Variants in RNF121 observed in about 807,000 individuals in gnomAD.
RNF121 encodes the protein ring finger protein 121, also known as E3 ubiquitin ligase RNF121.
RNF121 carries 21 observed loss-of-function variants against 46.5 expected under a neutral mutation model. The observed-to-expected ratio is 0.45, with a 90% CI of 0.32 to 0.65. The LOEUF is 0.65. Among genes scored for constraint, RNF121 ranks in the 30% least tolerant of loss-of-function variants. The probability of loss-of-function intolerance (pLI) is 0.04; values close to 1 mark genes in which losing one functional copy is unlikely to be tolerated. For synonymous variants in RNF121, 139 were observed against 144.7 expected (o/e 0.96, Z 0.28); for missense variants, 346 against 416.0 (o/e 0.83, Z 1.46).
At chr11:71,960,652 G>T in intron 2 of RNF121, 98 bp from the exon 3 acceptor site, 1 of 1,416,526 alleles carries the variant, frequency 7.1e-7, no homozygotes, top group East Asian at 2.3e-5. Context: ...CAGGGAATGT[G>T]TTCTGAGCTA....
intron 3 of RNF121, among the ~76,000 whole-genome samples, chr11:71,980,124 C>T (rs926565331): frequency 1.3e-5 from 2 of 152,108 alleles, no homozygotes; most frequent in Admixed American, 1.3e-4. Flanking sequence ...CTGGTGCTTC[C>T]ACACTTTTTA....
intron 3 of RNF121, among the ~76,000 whole-genome samples, chr11:71,974,905 G>A (rs963576812): frequency 3.3e-5 from 5 of 152,180 alleles, no homozygotes; most frequent in Non-Finnish European, 5.9e-5. Flanking sequence ...TGGCTTCTGC[G>A]TAGCTCAGTT....
intron 1 of RNF121, among the ~76,000 whole-genome samples, chr11:71,948,377 G>T (rs947573344): frequency 2.0e-5 from 3 of 151,736 alleles, no homozygotes; most frequent in African/African-American, 7.3e-5. Flanking sequence ...TTAGCCGGGC[G>T]TGGTGGCTGC....
At chr11:71,948,589 G>A (rs983966850) in intron 1 of RNF121, among the ~76,000 whole-genome samples, 1 of 151,702 alleles carries the variant, frequency 6.6e-6, no homozygotes. Context: ...TGAGGGGTGG[G>A]GGTAAAGGGC....
At chr11:71,929,899 G>A (rs913136296) in intron 1 of RNF121, among the ~76,000 whole-genome samples, 1 of 152,192 alleles carries the variant, frequency 6.6e-6, no homozygotes, top group Non-Finnish European at 1.5e-5. Flanking sequence ...GCTTGGGATA[G>A]GGAAGGCTTC....
intron 1 of RNF121, 33 bp downstream of exon 1, chr11:71,929,157 A>G (rs1030865320): frequency 1.9e-6 from 3 of 1,544,440 alleles, no homozygotes; most frequent in Middle Eastern, 1.7e-4. Context: ...GAGAGACTCA[A>G]CCTGAGACTG....
intron 6 of RNF121, among the ~76,000 whole-genome samples, chr11:71,993,873 G>C (rs141575677): frequency 0.025 from 3,691 of 148,120 alleles, 149 homozygotes; most frequent in African/African-American, 0.087. Context: ...TGGAGTCTCG[G>C]TCTGTTGCCC....
In RNF121 at chr11:71,967,380, C is replaced by T. The variant is rs571464473; in HGVS notation, c.243+6489C>T. Among the ~76,000 whole-genome samples, 6 of 105,184 alleles carry T rather than the reference C, an allele frequency of 5.7e-5. 1 individual carries two copies. The South Asian group carries it at 2.0e-3, about 36-fold the overall frequency. 69.0% of individuals were successfully genotyped at this position (105,184 alleles called of 152,430 possible). ...TTTTTTTTTTTTTGAGACGGAGTCT[C>T]ACTCTGTCACCCAGGCTGGAGTGCA... is the stretch of plus-strand genomic sequence containing the variant. On this transcript the variant is annotated intron_variant, in intron 3 of 8. Coordinates refer to ENST00000361756, the MANE Select transcript of RNF121 (RefSeq NM_018320.5).
At chr11:71,942,795 T>TAG (rs1953613411) in intron 1 of RNF121, among the ~76,000 whole-genome samples, 3 of 60,444 alleles carry the variant, frequency 5.0e-5, no homozygotes, top group South Asian at 7.8e-4. Flanking sequence ...TATATAGATA[T>TAG]ATATATGTAC....
chr11:71,983,743 C>T (rs1231612434), intron 4 of RNF121: 3 of 152,222 alleles, frequency 2.0e-5, no homozygotes, highest in African/African-American at 7.2e-5. Context: ...AGGAGATGGA[C>T]AAGAAAGCTC....
intron 6 of RNF121, among the ~76,000 whole-genome samples, chr11:71,991,895 A>G (rs887867079): frequency 1.3e-5 from 2 of 151,894 alleles, no homozygotes; most frequent in Non-Finnish European, 2.9e-5. Flanking sequence ...GCTTGAGCCC[A>G]GGAGTTCAAG....
chr11:71,978,304 GGAAC>G (rs1452433297), intron 3 of RNF121: 2 of 279,950 alleles, frequency 7.1e-6, no homozygotes, highest in Non-Finnish European at 1.5e-5. Context: ...CCCCTCCCCA[GGAAC>G]TGGGTCCTTC....
At chr11:71,983,098 T>A (rs1954697799) in intron 4 of RNF121, 183 bp downstream of exon 4, 6 of 443,516 alleles carry the variant, frequency 1.4e-5, no homozygotes, top group Non-Finnish European at 2.3e-5. Context: ...ATTAAAAACC[T>A]CAAATATTTC....
intron 1 of RNF121, among the ~76,000 whole-genome samples, chr11:71,951,441 G>A (rs1432033266): frequency 1.3e-5 from 2 of 152,104 alleles, no homozygotes; most frequent in Non-Finnish European, 2.9e-5. Flanking sequence ...AGCCCCTGCA[G>A]AGGGTAGTCC....
At chr11:71,979,839 G>A (rs777402890) in intron 3 of RNF121, among the ~76,000 whole-genome samples, 28 of 152,160 alleles carry the variant, frequency 1.8e-4, no homozygotes, top group Non-Finnish European at 4.1e-4. Context: ...TTCTCAGAGA[G>A]AACAAATGTG....
intron 1 of RNF121, among the ~76,000 whole-genome samples, chr11:71,956,108 TA>T (rs1953985345): frequency 1.3e-5 from 2 of 152,224 alleles, no homozygotes; most frequent in African/African-American, 4.8e-5. Context: ...CTACCTGTGT[TA>T]CTATTTCAAA....
rs575189072 is a variant in RNF121 at position 71,995,225 on chromosome 11, A to G, written c.762-225A>G. The G allele has an allele frequency of 1.0e-4, 60 of 588,254 alleles. No individual in the cohort carries two copies. The African/African-American group carries it at 1.1e-3, about 10-fold the overall frequency. The allele number at this position is 588,254 out of a possible 1,614,324, so 36.4% of individuals were successfully genotyped here. ...TTTACCCAGCTCCCATTCTCTGCCT[A>G]TGTTGGGAAAGCCATGTATTGTCTC... On this transcript the variant is annotated intron_variant, in intron 7 of 8. Transcript: ENST00000361756.
At chr11:71,978,494 C>T (rs913254333) in intron 3 of RNF121, among the ~76,000 whole-genome samples, 8 of 152,154 alleles carry the variant, frequency 5.3e-5, no homozygotes, top group Non-Finnish European at 1.2e-4. Context: ...TATCACTTTT[C>T]ATATGTCAGT....
At chr11:71,961,438 A>G (rs777831999) in intron 3 of RNF121, among the ~76,000 whole-genome samples, 2 of 152,044 alleles carry the variant, frequency 1.3e-5, no homozygotes, top group African/African-American at 2.4e-5. Flanking sequence ...GCATGCGCCT[A>G]TAGTCTCAGC....
Sources: allele counts gnomAD v4.1 joint callset (sites outside exome capture counted in the v4.1 genomes callset), GRCh38; gene constraint gnomAD v4.1.1; transcripts MANE v1.5; gene names NCBI Gene and HGNC (gene_info 2026-07-23, HGNC 2026-07-21).